PRKCQ: variants seen among roughly 807,000 people sequenced by gnomAD.
PRKCQ encodes the protein protein kinase C theta.
Under a neutral mutation model 91.2 loss-of-function variants are expected in PRKCQ, and 41 were observed. The observed-to-expected ratio is 0.45, with a 90% CI of 0.35 to 0.58. PRKCQ has a LOEUF of 0.58. Ranked by LOEUF, PRKCQ falls within the 20% of genes least tolerant of loss-of-function variation. The pLI is 0.00. For synonymous variants in PRKCQ, 307 were observed against 316.9 expected (o/e 0.97, Z 0.33); for missense variants, 673 against 896.5 (o/e 0.75, Z 3.18).
intron 1 of PRKCQ, among the ~76,000 whole-genome samples, chr10:6,549,510 G>A (rs768742965): frequency 2.6e-5 from 4 of 152,060 alleles, no homozygotes; most frequent in Admixed American, 6.6e-5. Context: ...TTGTCATAGC[G>A]ATTACTAGGT....
At position 6,576,202 on chromosome 10, in the gene PRKCQ, C is replaced by T. The variant is rs1841231253; in HGVS notation, c.-10+4009G>A. On this transcript the variant is annotated intron_variant, in intron 1 of 17. Coordinates refer to ENST00000263125, the MANE Select transcript of PRKCQ (RefSeq NM_006257.5). This position sits in a 1 kb window ranked among gnomAD's most constrained non-coding sequence, Gnocchi z 4.2. The stretch of plus-strand genomic sequence containing the variant: ...ACCCTACGACCCCACAATTCTACTG[C>T]TGGGTACATACCCCAAAGAATTGAA... Among the ~76,000 whole-genome samples, 1 of 152,208 alleles carries T rather than the reference C, an allele frequency of 6.6e-6. No individual in the cohort carries two copies. Among genetic ancestry groups the T allele is most frequent in the South Asian group, 2.1e-4 (1 of 4,834 alleles).
intron 15 of PRKCQ, among the ~76,000 whole-genome samples, chr10:6,444,139 C>T (rs897075945): frequency 1.6e-4 from 24 of 152,138 alleles, no homozygotes; most frequent in Non-Finnish European, 2.2e-4. Context: ...GGCACAATCT[C>T]GGCTCACTGC....
chr10:6,444,508 G>A (rs1020257682), intron 15 of PRKCQ, among the ~76,000 whole-genome samples: 3 of 151,950 alleles, frequency 2.0e-5, no homozygotes, highest in African/African-American at 7.3e-5. Flanking sequence ...AAAAATCTTC[G>A]TTAATTCATG....
intron 10 of PRKCQ, among the ~76,000 whole-genome samples, chr10:6,484,915 A>C (rs1325585339): frequency 2.0e-5 from 3 of 152,214 alleles, no homozygotes; most frequent in Non-Finnish European, 4.4e-5. Flanking sequence ...AACTCTAAGA[A>C]AACATTTGTG....
the PRKCQ span, among the ~76,000 whole-genome samples, chr10:6,419,250 CAT>C: frequency 6.6e-6 from 1 of 151,898 alleles, no homozygotes; most frequent in Non-Finnish European, 1.5e-5. Flanking sequence ...TGTGTGTGTA[CAT>C]ATGTGTATAC....
intron 2 of PRKCQ, 91 bp from the exon 3 acceptor site, chr10:6,511,285 T>A: frequency 8.5e-7 from 1 of 1,183,000 alleles, no homozygotes; most frequent in Non-Finnish European, 1.2e-6. Context: ...GCTCCCTCTG[T>A]TCTCTGGGAT....
chr10:6,432,359 G>A (rs975121069), intron 16 of PRKCQ, among the ~76,000 whole-genome samples: 4 of 152,084 alleles, frequency 2.6e-5, no homozygotes, highest in African/African-American at 7.2e-5. Context: ...CAAACAACAT[G>A]CTATTGTAAA....
intron 16 of PRKCQ, among the ~76,000 whole-genome samples, chr10:6,433,330 CTT>C (rs1833512300): frequency 6.6e-6 from 1 of 152,152 alleles, no homozygotes; most frequent in Non-Finnish European, 1.5e-5. Flanking sequence ...CACATTGTAT[CTT>C]TTTTCCAAGG....
chr10:6,401,863 G>T, the PRKCQ span, among the ~76,000 whole-genome samples: 1 of 152,196 alleles, frequency 6.6e-6, no homozygotes, highest in African/African-American at 2.4e-5. Flanking sequence ...TTAAGGGGAA[G>T]GCTGAAGCCT....
At chr10:6,397,346 G>A in the PRKCQ span, among the ~76,000 whole-genome samples, 2 of 152,102 alleles carry the variant, frequency 1.3e-5, no homozygotes, top group Non-Finnish European at 2.9e-5. Flanking sequence ...CCGCCCTCTT[G>A]GCCCCTCAAA....
At chr10:6,423,853 T>C (rs527941208), downstream of PRKCQ, among the ~76,000 whole-genome samples, 4 of 152,284 alleles carry the variant, frequency 2.6e-5, no homozygotes, top group Admixed American at 6.5e-5. Context: ...GTAGTGCCTG[T>C]AGGACGAAGT....
intron 1 of PRKCQ, among the ~76,000 whole-genome samples, chr10:6,553,511 A>AAAAAAAT (rs1564390070): frequency 2.7e-5 from 4 of 146,346 alleles, no homozygotes; most frequent in African/African-American, 1.1e-4. Context: ...AAAAAAAAAA[A>AAAAAAAT]AAAAAACAAA....
intron 12 of PRKCQ, among the ~76,000 whole-genome samples, chr10:6,474,636 G>C (rs1240705683): frequency 6.6e-6 from 1 of 152,028 alleles, no homozygotes; most frequent in African/African-American, 2.4e-5. Context: ...TTCTTTTACT[G>C]CAGCATAACT....
At chr10:6,496,192 G>C (rs1837577612) in intron 7 of PRKCQ, among the ~76,000 whole-genome samples, 1 of 139,718 alleles carries the variant, frequency 7.2e-6, no homozygotes. Flanking sequence ...CTCCAGCCTG[G>C]GTAAACAGAG....
At chr10:6,436,837 C>A (rs1225796377) in intron 16 of PRKCQ, among the ~76,000 whole-genome samples, 1 of 152,158 alleles carries the variant, frequency 6.6e-6, no homozygotes, top group Non-Finnish European at 1.5e-5. Flanking sequence ...TCTTTCTCTC[C>A]TTGGAAATCA....
In PRKCQ at chr10:6,502,828, G is replaced by T. The variant is rs192307109; in HGVS notation, c.380-4270C>A. Among the ~76,000 whole-genome samples, 56 of 152,294 alleles carry T rather than the reference G, an allele frequency of 3.7e-4. No homozygotes were observed. The South Asian group carries it at 5.0e-3, about 14-fold the overall frequency. On this transcript the variant is annotated intron_variant, in intron 4 of 17. Coordinates refer to ENST00000263125, the MANE Select transcript of PRKCQ (RefSeq NM_006257.5). ...AGTGAGTTATTATATAATTAAGTAC[G>T]ATAGTAAGTTACAAAAGAAATAGGT...
chr10:6,531,950 G>A lies in PRKCQ; in HGVS notation c.-9-16806C>T, dbSNP rs1839413637. Among the ~76,000 whole-genome samples, 3 of 152,290 alleles carry A rather than the reference G, an allele frequency of 2.0e-5. No individual in the cohort carries two copies. The South Asian group carries it at 6.2e-4, about 32-fold the overall frequency. On this transcript the variant is annotated intron_variant, in intron 1 of 17. Coordinates refer to ENST00000263125, the MANE Select transcript of PRKCQ (RefSeq NM_006257.5). ...CTATCTACCTAATTAGCAGCAGGAA[G>A]GGATTAGGAGCCAGTTCTCCCAGCG...
chr10:6,491,631 C>T, intron 8 of PRKCQ, 52 bp downstream of exon 8: 1 of 1,602,678 alleles, frequency 6.2e-7, no homozygotes. Flanking sequence ...AAGCCTTGCT[C>T]CATCCCCTAG....
At chr10:6,397,587 T>C in the PRKCQ span, among the ~76,000 whole-genome samples, 3 of 152,354 alleles carry the variant, frequency 2.0e-5, no homozygotes, top group East Asian at 5.8e-4. Context: ...GTCCAATTTA[T>C]CAACTTTTAC....
Sources: gnomAD v4.1 joint callset for allele counts (sites outside exome capture counted in the v4.1 genomes callset) on GRCh38, gnomAD v4.1.1 for gene constraint, Gnocchi (gnomAD v3.1) non-coding constraint, MANE v1.5 for transcripts, NCBI Gene and HGNC (gene_info 2026-07-23, HGNC 2026-07-21) for gene names.